Variants in LRMDA observed in about 807,000 individuals in gnomAD.
LRMDA encodes the protein leucine-rich melanocyte differentiation-associated protein.
A neutral mutation model predicts 29.8 loss-of-function variants in LRMDA; 18 were observed. The observed-to-expected ratio is 0.60, with a 90% CI of 0.42 to 0.90. LRMDA has a LOEUF of 0.90. Among genes scored for constraint, LRMDA ranks in the 40% least tolerant of loss-of-function variants. The pLI is 0.00. For synonymous variants in LRMDA, 125 were observed against 109.4 expected (o/e 1.14, Z -0.89); for missense variants, 273 against 273.9 (o/e 1.00, Z 0.02).
At chr10:75,715,834 C>T (rs1842493502) in intron 2 of LRMDA, among the ~76,000 whole-genome samples, 1 of 138,060 alleles carries the variant, frequency 7.2e-6, no homozygotes, top group Non-Finnish European at 1.6e-5. Context: ...CCTCTTTCCT[C>T]CCTTCTTGAA....
At chr10:76,555,340 C>T (rs935317687) in intron 6 of LRMDA, among the ~76,000 whole-genome samples, 12 of 152,176 alleles carry the variant, frequency 7.9e-5, no homozygotes, top group African/African-American at 2.7e-4. Flanking sequence ...TCAAAGTTTC[C>T]AGGCACCAGA....
At chr10:76,113,693 T>C (rs916605225) in intron 5 of LRMDA, among the ~76,000 whole-genome samples, 4 of 152,154 alleles carry the variant, frequency 2.6e-5, no homozygotes, top group Admixed American at 6.5e-5. Flanking sequence ...TGGGAAGGGA[T>C]GTGGCTGTCC....
At chr10:75,846,898 G>T (rs1268075556) in intron 2 of LRMDA, among the ~76,000 whole-genome samples, 1 of 152,014 alleles carries the variant, frequency 6.6e-6, no homozygotes, top group East Asian at 1.9e-4. Flanking sequence ...TACATAGATT[G>T]GAAAATTTAA....
At chr10:75,967,935 A>G (rs9415142) in intron 2 of LRMDA, among the ~76,000 whole-genome samples, 152,034 of 152,270 alleles carry the variant, frequency 1, 75,900 homozygotes, top group Middle Eastern at 1. Context: ...CGTTCCATTT[A>G]AGACCCCCTT....
chr10:76,071,190 C>T (rs1428416799), intron 5 of LRMDA, among the ~76,000 whole-genome samples: 2 of 152,254 alleles, frequency 1.3e-5, no homozygotes, highest in South Asian at 2.1e-4. Context: ...CCTCTGCCCC[C>T]AGAGTGAAAT....
At chr10:75,509,903 T>C (rs1402665845) in intron 2 of LRMDA, among the ~76,000 whole-genome samples, 1 of 152,194 alleles carries the variant, frequency 6.6e-6, no homozygotes, top group Non-Finnish European at 1.5e-5. Context: ...GCAGACCGCA[T>C]GTGGGGCTAC....
intron 6 of LRMDA, among the ~76,000 whole-genome samples, chr10:76,544,137 AG>A (rs887338772): frequency 3.3e-5 from 5 of 152,310 alleles, no homozygotes; most frequent in African/African-American, 1.2e-4. Flanking sequence ...AGTAGCAGGT[AG>A]CAGGTTATTA....
intron 2 of LRMDA, among the ~76,000 whole-genome samples, chr10:75,500,601 T>A (rs1845101237): frequency 6.6e-6 from 1 of 152,170 alleles, no homozygotes; most frequent in Admixed American, 6.5e-5. Flanking sequence ...TACCTGAGAC[T>A]GGGTAATTTA....
chr10:76,017,677 G>A lies in LRMDA; in HGVS notation c.132-18331G>A, dbSNP rs555007670. Among the ~76,000 whole-genome samples, 3 of 152,282 alleles carry A rather than the reference G, an allele frequency of 2.0e-5. No homozygotes were observed. The South Asian group carries it at 6.2e-4, about 32-fold the overall frequency. On this transcript the variant is annotated intron_variant, in intron 2 of 6. Transcript: ENST00000611255. ...TCCAGCCCAGTTGCTACTTCCCATG[G>A]AGAAAGTAGCCCATCAACGGTGATG...
At chr10:76,153,308 T>C (rs187809117) in intron 5 of LRMDA, among the ~76,000 whole-genome samples, 1 of 152,232 alleles carries the variant, frequency 6.6e-6, no homozygotes, top group Non-Finnish European at 1.5e-5. Context: ...ATAAACAAAA[T>C]TTTTAATTTT....
At chr10:75,690,990 T>C (rs1169167743) in intron 2 of LRMDA, among the ~76,000 whole-genome samples, 1,606 of 91,904 alleles carry the variant, frequency 0.017, 42 homozygotes, top group African/African-American at 0.069. Flanking sequence ...TATATATATA[T>C]ATATACACAC....
chr10:75,611,903 T>A (rs1841037079), intron 2 of LRMDA, among the ~76,000 whole-genome samples: 1 of 152,232 alleles, frequency 6.6e-6, no homozygotes, highest in Non-Finnish European at 1.5e-5. Context: ...CCTCTTGCCC[T>A]GGAGCCCCTG....
At chr10:75,616,281 G>A (rs1841099511) in intron 2 of LRMDA, among the ~76,000 whole-genome samples, 3 of 152,180 alleles carry the variant, frequency 2.0e-5, no homozygotes, top group Admixed American at 1.3e-4. Flanking sequence ...AGCAGCAGCA[G>A]CAGTAGTAGT....
intron 6 of LRMDA, among the ~76,000 whole-genome samples, chr10:76,551,527 C>A (rs1290454615): frequency 2.0e-5 from 3 of 152,146 alleles, no homozygotes; most frequent in Non-Finnish European, 1.5e-5. Context: ...CCTTACAAAG[C>A]CGTACACATT....
At chr10:75,576,928 G>A (rs1018681721) in intron 2 of LRMDA, among the ~76,000 whole-genome samples, 2 of 152,206 alleles carry the variant, frequency 1.3e-5, no homozygotes, top group African/African-American at 4.8e-5. Context: ...TGAAGATGGG[G>A]AGAAACCAGT....
chr10:75,684,536 G>T (rs117145305), intron 2 of LRMDA, among the ~76,000 whole-genome samples: 1 of 152,144 alleles, frequency 6.6e-6, no homozygotes, highest in Non-Finnish European at 1.5e-5. Flanking sequence ...GTTTGGGTCC[G>T]CTGTGGCCAT....
intron 2 of LRMDA, among the ~76,000 whole-genome samples, chr10:75,739,308 T>C (rs570588135): frequency 6.6e-6 from 1 of 152,334 alleles, no homozygotes; most frequent in Admixed American, 6.5e-5. Flanking sequence ...AGATTGGCCT[T>C]GGGGTTTTTG....
chr10:76,094,821 C>T (rs1350307863), intron 5 of LRMDA, among the ~76,000 whole-genome samples: 2 of 152,044 alleles, frequency 1.3e-5, no homozygotes, highest in African/African-American at 4.8e-5. Context: ...CATATTTCAC[C>T]ACCTAACCAC....
intron 6 of LRMDA, among the ~76,000 whole-genome samples, chr10:76,534,396 A>G (rs1363074751): frequency 2.0e-5 from 3 of 152,140 alleles, no homozygotes; most frequent in Non-Finnish European, 2.9e-5. Flanking sequence ...GTTCATGACC[A>G]AGGCTTTTGA....
Sources: allele counts gnomAD v4.1 joint callset (sites outside exome capture counted in the v4.1 genomes callset), GRCh38; gene constraint gnomAD v4.1.1; transcripts MANE v1.5; gene names NCBI Gene and HGNC (gene_info 2026-07-23, HGNC 2026-07-21).